The following PTPRD variants were observed in gnomAD, a reference collection of about 807,000 sequenced individuals.
The protein encoded by PTPRD is receptor-type tyrosine-protein phosphatase delta.
A neutral mutation model predicts 214.5 loss-of-function variants in PTPRD; 34 were observed. The observed-to-expected ratio is 0.16, with a 90% CI of 0.12 to 0.21. PTPRD has a LOEUF of 0.21. Among genes scored for constraint, PTPRD ranks in the 10% least tolerant of loss-of-function variants. The pLI is 1.00. For missense variants in PTPRD, 2,545 were observed against 2,398.7 expected, an observed-to-expected ratio of 1.06 and a Z score of -1.27; for synonymous variants, 1,128 against 845.7, an observed-to-expected ratio of 1.33 and a Z score of -5.79.
intron 12 of PTPRD, among the ~76,000 whole-genome samples, chr9:8,656,514 T>G (rs1486769481): frequency 6.6e-6 from 1 of 152,154 alleles, no homozygotes; most frequent in Non-Finnish European, 1.5e-5. Context: ...TTCAGGACCC[T>G]TTCCTTGCAT....
chr9:8,520,209 T>C (rs1278867337), intron 20 of PTPRD, among the ~76,000 whole-genome samples: 1 of 152,186 alleles, frequency 6.6e-6, no homozygotes, highest in East Asian at 1.9e-4. Flanking sequence ...ACAGGTTTTA[T>C]GTCTGTAATG....
intron 2 of PTPRD, among the ~76,000 whole-genome samples, chr9:10,451,084 C>G (rs1265459942): frequency 6.6e-6 from 1 of 151,738 alleles, no homozygotes; most frequent in Non-Finnish European, 1.5e-5. Context: ...TTTAGTCCAC[C>G]ATATTAAGAG....
At chr9:8,539,850 G>A (rs1464875513) in intron 14 of PTPRD, among the ~76,000 whole-genome samples, 7 of 152,068 alleles carry the variant, frequency 4.6e-5, no homozygotes, top group Non-Finnish European at 1.0e-4. Context: ...AGCCTCTGTG[G>A]AAAATTATAA....
At chr9:10,585,050 A>G (rs112316561) in intron 2 of PTPRD, among the ~76,000 whole-genome samples, 17 of 152,242 alleles carry the variant, frequency 1.1e-4, no homozygotes, top group African/African-American at 3.8e-4. Context: ...TCAGTCATGT[A>G]TTGTGATTTT....
intron 9 of PTPRD, among the ~76,000 whole-genome samples, chr9:9,283,582 G>T (rs994368554): frequency 4.0e-5 from 6 of 151,468 alleles, no homozygotes; most frequent in Admixed American, 1.3e-4. Flanking sequence ...GTTCCTCAAA[G>T]CTATCTGCTT....
At chr9:9,955,502 G>T (rs1002348798) in intron 4 of PTPRD, among the ~76,000 whole-genome samples, 1 of 147,068 alleles carries the variant, frequency 6.8e-6, no homozygotes, top group African/African-American at 2.5e-5. Flanking sequence ...TTGGGTTTTC[G>T]TTTTTTTTGT....
chr9:8,896,573 T>C (rs2098613868), intron 11 of PTPRD, among the ~76,000 whole-genome samples: 1 of 152,182 alleles, frequency 6.6e-6, no homozygotes, highest in Non-Finnish European at 1.5e-5. Context: ...CACAAACAAA[T>C]GCTGGGGCAG....
At chr9:10,226,864 T>G (rs2099590575) in intron 3 of PTPRD, among the ~76,000 whole-genome samples, 1 of 152,058 alleles carries the variant, frequency 6.6e-6, no homozygotes, top group Non-Finnish European at 1.5e-5. Context: ...TTACCACTCA[T>G]TAAATTAATG....
At chr9:9,920,840 C>A (rs2082343254) in intron 5 of PTPRD, among the ~76,000 whole-genome samples, 1 of 152,026 alleles carries the variant, frequency 6.6e-6, no homozygotes. Context: ...AATTTTGACC[C>A]ACTCCGGCTT....
chr9:9,458,386 T>C (rs559446830), intron 8 of PTPRD, among the ~76,000 whole-genome samples: 54 of 152,166 alleles, frequency 3.5e-4, no homozygotes, highest in Admixed American at 2.9e-3. Flanking sequence ...TTTACTAACA[T>C]TGTATGGTTT....
At chr9:8,610,749 T>C (rs966557806) in intron 14 of PTPRD, among the ~76,000 whole-genome samples, 14 of 152,264 alleles carry the variant, frequency 9.2e-5, no homozygotes, top group Non-Finnish European at 1.5e-4. Context: ...AGTCTAGTTC[T>C]GCTGTGTTAT....
chr9:9,262,864 G>T (rs188007149), intron 9 of PTPRD, among the ~76,000 whole-genome samples: 1 of 151,438 alleles, frequency 6.6e-6, no homozygotes, highest in Non-Finnish European at 1.5e-5. Context: ...ATTAATTTCC[G>T]TTTTCTATGT....
intron 9 of PTPRD, among the ~76,000 whole-genome samples, chr9:9,315,771 G>C (rs893212112): frequency 1.3e-5 from 2 of 150,466 alleles, no homozygotes; most frequent in Non-Finnish European, 3.0e-5. Context: ...TTGAATCTGG[G>C]GTTAAATCCT....
chr9:8,571,691 T>C (rs947427578), intron 14 of PTPRD, among the ~76,000 whole-genome samples: 5 of 152,126 alleles, frequency 3.3e-5, no homozygotes, highest in Non-Finnish European at 5.9e-5. Context: ...AAATAGATAG[T>C]GTAAGTGGGT....
At chr9:9,067,991 C>G (rs969411068) in intron 10 of PTPRD, among the ~76,000 whole-genome samples, 1 of 152,170 alleles carries the variant, frequency 6.6e-6, no homozygotes, top group African/African-American at 2.4e-5. Context: ...CCCACCTCTC[C>G]CGGCTACCAG....
chr9:9,561,654 G>GA (rs990431287), intron 8 of PTPRD, among the ~76,000 whole-genome samples: 2 of 152,128 alleles, frequency 1.3e-5, no homozygotes, highest in African/African-American at 2.4e-5. Flanking sequence ...AGCCTTAACT[G>GA]AAAAAAACAC....
At chr9:10,061,837 T>A (rs1488614181) in intron 3 of PTPRD, among the ~76,000 whole-genome samples, 2 of 152,046 alleles carry the variant, frequency 1.3e-5, no homozygotes, top group Non-Finnish European at 2.9e-5. Context: ...GACTACAATT[T>A]ATACCAGTGG....
chr9:10,252,823 G>A lies in PTPRD; in HGVS notation c.-545+88140C>T, dbSNP rs183904201. On this transcript the variant is annotated intron_variant, in intron 3 of 45. Coordinates refer to ENST00000381196, the MANE Select transcript of PTPRD (RefSeq NM_002839.4). ...TTTTGAGACAAACACTCACTCTGTC[G>A]CCCAGGCTGGAGTACAGTGGCATGA... is the stretch of plus-strand genomic sequence containing the variant. 4.7e-4 allele frequency among the ~76,000 whole-genome samples: 72 copies of A among 152,080 alleles called. No individual in the cohort carries two copies. In the South Asian group the frequency reaches 0.011, roughly 24 times the overall value.
At chr9:9,021,020 CATA>C (rs2099567985) in intron 10 of PTPRD, among the ~76,000 whole-genome samples, 1 of 152,098 alleles carries the variant, frequency 6.6e-6, no homozygotes, top group Non-Finnish European at 1.5e-5. Flanking sequence ...GACACAAAAA[CATA>C]ATATTTTAGC....
Sources: allele counts gnomAD v4.1 joint callset (sites outside exome capture counted in the v4.1 genomes callset), GRCh38; gene constraint gnomAD v4.1.1; transcripts MANE v1.5; gene names NCBI Gene and HGNC (gene_info 2026-07-23, HGNC 2026-07-21).